NLRP5: variants seen among roughly 807,000 people sequenced by gnomAD.
NLRP5 encodes NACHT, LRR and PYD domains-containing protein 5.
Under a neutral mutation model 113.1 loss-of-function variants are expected in NLRP5, and 93 were observed. The observed-to-expected ratio is 0.82, with a 90% confidence interval of 0.70 to 0.98. The LOEUF (loss-of-function observed/expected upper bound fraction) is 0.98, where lower values mean the gene tolerates loss of function less well. NLRP5 is among the 50% of genes least tolerant of loss of function. The pLI, the probability that NLRP5 is intolerant of heterozygous loss-of-function variation, is 0.00. For synonymous variants in NLRP5, 751 were observed against 600.7 expected, an observed-to-expected ratio of 1.25 and a Z score of -3.66; for missense variants, 1,808 against 1,514.3, an observed-to-expected ratio of 1.19 and a Z score of -3.22.
chr19:56,005,079 G>A (rs1282993536), intron 2 of NLRP5, among the ~76,000 whole-genome samples: 1 of 125,122 alleles, frequency 8.0e-6, no homozygotes. Flanking sequence ...GGGCAACGGA[G>A]TGAGACTGTG....
chr19:56,053,955 C>G, intron 13 of NLRP5, 147 bp downstream of exon 13: 3 of 682,300 alleles, frequency 4.4e-6, no homozygotes, highest in Non-Finnish European at 7.5e-6. Context: ...CACCACAGAT[C>G]TGGGTATAAG....
At chr19:56,050,667 G>T in intron 12 of NLRP5, 79 bp downstream of exon 12, 1 of 1,421,246 alleles carries the variant, frequency 7.0e-7, no homozygotes, top group Non-Finnish European at 9.5e-7. Flanking sequence ...ATAGGAGCAG[G>T]GAGACCGGAA....
intron 3 of NLRP5, among the ~76,000 whole-genome samples, chr19:56,009,206 G>C (rs962709085): frequency 4.0e-5 from 6 of 151,798 alleles, no homozygotes; most frequent in African/African-American, 9.7e-5. Context: ...CAGACGTGGT[G>C]GTGGGTGCCT....
At chr19:56,055,811 C>T (rs960486082) in intron 13 of NLRP5, among the ~76,000 whole-genome samples, 21 of 152,048 alleles carry the variant, frequency 1.4e-4, no homozygotes, top group Non-Finnish European at 1.3e-4. Context: ...TCCCAAAGTG[C>T]TGGGATTACA....
rs892389168 is a variant in NLRP5 at position 56,015,670 on chromosome 19, G to A, written c.509-72G>A. ...TATGGCATGACTAAGTTTATCTGGG[G>A]TGTCCAACATCTCTGATTTGAATAA... On this transcript the variant is annotated intron_variant, in intron 3 of 14. Transcript: ENST00000390649. 14 of 1,251,922 alleles carry A rather than the reference G, an allele frequency of 1.1e-5. No individual in the cohort carries two copies. The African/African-American group carries it at 2.1e-4, about 19-fold the overall frequency. The allele number at this position is 1,251,922 out of a possible 1,614,324, so 77.6% of individuals were successfully genotyped here. A position where few individuals can be genotyped will look rare whatever the true frequency, so the allele number is the denominator to read the frequency against.
At position 56,024,214 on chromosome 19, in the gene NLRP5, T is replaced by A. The variant is rs146997651; in HGVS notation, c.680-2699T>A. 8.5e-4 allele frequency among the ~76,000 whole-genome samples: 129 copies of A among 151,620 alleles called. 1 individual carries two copies. In the East Asian group the frequency reaches 0.022, roughly 26 times the overall value. ...TTGAATGCATATTCTTAAATCTTTA[T>A]CAGGTGGGCCGGGCACAGTGGCTCA... is the stretch of plus-strand genomic sequence containing the variant. On this transcript the variant is annotated intron_variant, in intron 6 of 14. Coordinates refer to ENST00000390649, the MANE Select transcript of NLRP5 (RefSeq NM_153447.4).
rs368926961 is a variant in NLRP5 at position 56,046,626 on chromosome 19, T to C, written c.2958-3792T>C. Among the ~76,000 whole-genome samples, 110 of 152,148 alleles carry C rather than the reference T, an allele frequency of 7.2e-4. 1 individual carries two copies. The South Asian group carries it at 0.021, about 29-fold the overall frequency. On this transcript the variant is annotated intron_variant, in intron 11 of 14. Transcript: ENST00000390649. Reference sequence around the variant, plus strand: ...CGCGATCTCGGCTCACTGCAAGCTCTGCCTCCCGGGTTCACACCATTCTCC... The same window carrying C: ...CGCGATCTCGGCTCACTGCAAGCTCCGCCTCCCGGGTTCACACCATTCTCC...
chr19:56,007,904 C>CGTGTGTGTGTGTGTGT lies in NLRP5; in HGVS notation c.443-869_443-854dup, dbSNP rs57588214. On this transcript the variant is annotated intron_variant, in intron 2 of 14. Transcript: ENST00000390649. The stretch of plus-strand genomic sequence containing the variant: ...GTGTGTGTGTGCGCGTGCGCGCGTG[C>CGTGTGTGTGTGTGTGT]GTGTGTGTGTGTGTGTGTGTGTGTG... Among the ~76,000 whole-genome samples, 7 of 110,148 alleles carry CGTGTGTGTGTGTGTGT rather than the reference C, an allele frequency of 6.4e-5. No homozygotes were observed. In the South Asian group the frequency reaches 2.1e-3, roughly 34 times the overall value. 72.3% of individuals were successfully genotyped at this position (110,148 alleles called of 152,430 possible). A position where few individuals can be genotyped will look rare whatever the true frequency, so the allele number is the denominator to read the frequency against.
chr19:55,999,600 G>A (rs541712786), upstream of NLRP5: 107 of 746,868 alleles, frequency 1.4e-4, no homozygotes, highest in African/African-American at 1.7e-3. Context: ...CAGCCCTTCC[G>A]ACCGGCTCAC....
rs71183002 is a variant in NLRP5, at chr19:56,013,596, G to GTTTTTTTTTTTTT, written c.509-2137_509-2125dup. The stretch of plus-strand genomic sequence containing the variant: ...CATTTATCACATGATGGACATTTGG[G>GTTTTTTTTTTTTT]TTTTTTTTTTTTTTTTTTTTTGCTA... On this transcript the variant is annotated intron_variant, in intron 3 of 14. Transcript: ENST00000390649. Among the ~76,000 whole-genome samples the GTTTTTTTTTTTTT allele has an allele frequency of 1.5e-3, 87 of 59,262 alleles. 9 individuals carry two copies. Among genetic ancestry groups the GTTTTTTTTTTTTT allele is most frequent in the African/African-American group, 4.1e-3 (47 of 11,530 alleles). 38.9% of individuals were successfully genotyped at this position (59,262 alleles called of 152,430 possible).
intron 2 of NLRP5, among the ~76,000 whole-genome samples, chr19:56,008,276 A>G (rs1396657340): frequency 6.6e-6 from 1 of 152,074 alleles, no homozygotes; most frequent in East Asian, 1.9e-4. Flanking sequence ...ACGCAGTGTC[A>G]TGGGTGATCC....
chr19:56,036,323 T>C (rs546534335), intron 9 of NLRP5, among the ~76,000 whole-genome samples: 2 of 151,876 alleles, frequency 1.3e-5, no homozygotes, highest in South Asian at 4.2e-4. Context: ...CGCCTCGGCC[T>C]CCCAAAGTGC....
chr19:56,027,179 G>A lies in NLRP5; in HGVS notation c.946G>A (p.Val316Ile), dbSNP rs189035436. 9.6e-5 allele frequency: 155 copies of A among 1,608,064 alleles called. 1 individual carries two copies. The East Asian group carries it at 2.1e-3, about 22-fold the overall frequency. The change falls in exon 7 of 15, where the codon GTC becomes ATC. Residue 316 changes from valine (V) to isoleucine (I), a missense_variant. Coordinates refer to ENST00000390649, the MANE Select transcript of NLRP5 (RefSeq NM_153447.4). ...ACTCTACCAGGGAATGTTCTCCTAC[G>A]TCTTCTTCCTCCCCGTTAGAGAGAT...
the NLRP5 span, among the ~76,000 whole-genome samples, chr19:55,992,270 T>C: frequency 2.0e-5 from 3 of 152,212 alleles, no homozygotes; most frequent in Non-Finnish European, 4.4e-5. Context: ...AGTCTGTCCT[T>C]GATGGGCATT....
chr19:56,002,384 A>G (rs1305283030), intron 1 of NLRP5, among the ~76,000 whole-genome samples: 1 of 152,136 alleles, frequency 6.6e-6, no homozygotes, highest in East Asian at 1.9e-4. Context: ...TAACAGGTGT[A>G]ACAGAAATCA....
chr19:56,012,448 CT>C (rs60128070), intron 3 of NLRP5, among the ~76,000 whole-genome samples: 93,029 of 135,966 alleles, frequency 0.68, 31,988 homozygotes, highest in Non-Finnish European at 0.75. Flanking sequence ...GCGCCTTGGC[CT>C]TTTTTTTTTT....
At chr19:56,051,381 C>T (rs921251209) in intron 12 of NLRP5, among the ~76,000 whole-genome samples, 3 of 152,018 alleles carry the variant, frequency 2.0e-5, no homozygotes, top group South Asian at 2.1e-4. Context: ...TTAGTAGAGA[C>T]GGAGTTTCAC....
At position 56,028,271 on chromosome 19, in the gene NLRP5, A is replaced by G. The variant is rs1023345519; in HGVS notation, c.2038A>G (p.Thr680Ala). 17 of 1,613,720 alleles carry G rather than the reference A, an allele frequency of 1.1e-5. No individual in the cohort carries two copies. In the African/African-American group the frequency reaches 1.9e-4, roughly 18 times the overall value. Reference sequence around the variant, plus strand: ...GTTGGGTCAGCAGCCTAATGCCACCACCCCAGGAGACACCCTGGACGCCTT... The same window carrying G: ...GTTGGGTCAGCAGCCTAATGCCACCGCCCCAGGAGACACCCTGGACGCCTT... Residue 680 changes from threonine (T) to alanine (A), a missense_variant, in exon 7 of 15, where the codon ACC (threonine) becomes GCC (alanine). Thr to Ala is a moderately conservative substitution (Grantham distance 58). Transcript: ENST00000390649.
chr19:56,027,120 C>A lies in NLRP5; in HGVS notation c.887C>A (p.Ala296Asp). 6.3e-7 allele frequency: 1 copy of A among 1,588,616 alleles called. No individual in the cohort carries two copies. The highest frequency in any genetic ancestry group is 1.1e-5 in the South Asian group (1 of 87,046). Residue 296 changes from alanine to aspartate, a missense_variant, in exon 7 of 15, where the codon GCC becomes GAC. Physicochemically the swap from Ala to Asp is moderately radical, Grantham distance 126. Coordinates refer to ENST00000390649, the MANE Select transcript of NLRP5 (RefSeq NM_153447.4). ...TCAGGAATTGGGAAATCGGCTCTAG[C>A]CAGAAGGATCGTGCTGTGCTGGGCG...
Sources: allele counts gnomAD v4.1 joint callset (sites outside exome capture counted in the v4.1 genomes callset), GRCh38; gene constraint gnomAD v4.1.1; transcripts MANE v1.5; gene names NCBI Gene and HGNC (gene_info 2026-07-23, HGNC 2026-07-21).